DYNC1I1: variants seen among roughly 807,000 people sequenced by gnomAD.
DYNC1I1 encodes cytoplasmic dynein 1 intermediate chain 1.
A neutral mutation model predicts 86.6 loss-of-function variants in DYNC1I1; 43 were observed. The ratio of observed to expected loss-of-function variants is 0.50; its 90% CI spans 0.39 to 0.64. The LOEUF is 0.64. DYNC1I1 is among the 30% of genes least tolerant of loss of function. The pLI, the probability that DYNC1I1 is intolerant of heterozygous loss-of-function variation, is 0.00. For synonymous variants in DYNC1I1, 262 were observed against 283.7 expected (o/e 0.92, Z 0.77); for missense variants, 604 against 788.8 (o/e 0.77, Z 2.81).
At chr7:95,868,751 A>G (rs1227629937) in intron 5 of DYNC1I1, among the ~76,000 whole-genome samples, 1 of 152,202 alleles carries the variant, frequency 6.6e-6, no homozygotes, top group Admixed American at 6.5e-5. Context: ...CATTATGTGT[A>G]TGTGGTACAT....
intron 6 of DYNC1I1, among the ~76,000 whole-genome samples, chr7:95,893,732 A>G (rs1259322782): frequency 6.6e-6 from 1 of 152,184 alleles, no homozygotes; most frequent in Non-Finnish European, 1.5e-5. Context: ...ATGCAGCCAG[A>G]CTCAAAAGGT....
intron 14 of DYNC1I1, among the ~76,000 whole-genome samples, chr7:96,056,444 TC>T (rs770252089): frequency 1.3e-5 from 2 of 152,180 alleles, no homozygotes; most frequent in Admixed American, 6.5e-5. Flanking sequence ...GGAAAATAGT[TC>T]CTTAACAGCA....
chr7:95,895,153 GAACT>G (rs1349504623), intron 6 of DYNC1I1, among the ~76,000 whole-genome samples: 1 of 152,140 alleles, frequency 6.6e-6, no homozygotes, highest in African/African-American at 2.4e-5. Flanking sequence ...AAGTGCTTTG[GAACT>G]TCATCTTGGT....
intron 10 of DYNC1I1, among the ~76,000 whole-genome samples, chr7:95,997,263 A>T (rs1206846835): frequency 2.0e-5 from 3 of 151,828 alleles, no homozygotes; most frequent in African/African-American, 7.3e-5. Context: ...CTCCTTCTGT[A>T]AACATAGAAG....
At chr7:95,828,003 C>T in intron 4 of DYNC1I1, 54 bp from the exon 5 acceptor site, 1 of 1,597,746 alleles carries the variant, frequency 6.3e-7, no homozygotes, top group Non-Finnish European at 8.6e-7. Context: ...TGGTTTGTTG[C>T]CCTCCCCTTT....
At chr7:95,810,121 C>T (rs1794794890) in intron 2 of DYNC1I1, among the ~76,000 whole-genome samples, 1 of 152,052 alleles carries the variant, frequency 6.6e-6, no homozygotes, top group Non-Finnish European at 1.5e-5. Context: ...AATACTTTGC[C>T]TTGATGTTTT....
chr7:95,906,456 C>T (rs1433471357), intron 6 of DYNC1I1, among the ~76,000 whole-genome samples: 3 of 151,896 alleles, frequency 2.0e-5, no homozygotes, highest in Non-Finnish European at 4.4e-5. Context: ...ACATCTGTGG[C>T]TCTTGCTTTT....
intron 4 of DYNC1I1, among the ~76,000 whole-genome samples, chr7:95,816,909 CA>C (rs1326326663): frequency 6.6e-6 from 1 of 152,040 alleles, no homozygotes; most frequent in Non-Finnish European, 1.5e-5. Context: ...AATATTTTCT[CA>C]ATATGGTAAA....
intron 5 of DYNC1I1, among the ~76,000 whole-genome samples, chr7:95,862,765 C>A (rs952500685): frequency 6.6e-6 from 1 of 152,154 alleles, no homozygotes; most frequent in Non-Finnish European, 1.5e-5. Context: ...CTCTCCATAT[C>A]CTCGGGGGAT....
intron 10 of DYNC1I1, among the ~76,000 whole-genome samples, chr7:96,016,469 T>C (rs1794405455): frequency 6.6e-6 from 1 of 152,112 alleles, no homozygotes; most frequent in Non-Finnish European, 1.5e-5. Context: ...TTTTCTTTCT[T>C]TCTCAGCCTC....
rs567955135 is a variant in DYNC1I1 at position 95,808,980 on chromosome 7, G to A, written c.109-1412G>A. Reference sequence around the variant, plus strand: ...TGGGACTTGTTTCAGTAGTTTAAATGTTAAAATTGGAAAAGAACATGAACT... The same window carrying A: ...TGGGACTTGTTTCAGTAGTTTAAATATTAAAATTGGAAAAGAACATGAACT... On this transcript the variant is annotated intron_variant, in intron 2 of 16. Transcript: ENST00000447467. Among the ~76,000 whole-genome samples, 3 of 152,194 alleles carry A rather than the reference G, an allele frequency of 2.0e-5. No individual in the cohort carries two copies. The South Asian group carries it at 6.2e-4, about 32-fold the overall frequency.
chr7:95,990,425 A>T (rs964072893), intron 9 of DYNC1I1, among the ~76,000 whole-genome samples: 1 of 152,148 alleles, frequency 6.6e-6, no homozygotes, highest in Admixed American at 6.5e-5. Context: ...TACAACAGCA[A>T]AAAGATTACT....
intron 10 of DYNC1I1, among the ~76,000 whole-genome samples, chr7:95,996,682 A>G (rs536657727): frequency 8.5e-5 from 13 of 152,190 alleles, no homozygotes; most frequent in Non-Finnish European, 1.3e-4. Flanking sequence ...GACACAATAC[A>G]GGCTGAAATT....
At chr7:95,948,884 G>T (rs907014578) in intron 6 of DYNC1I1, among the ~76,000 whole-genome samples, 6 of 152,290 alleles carry the variant, frequency 3.9e-5, no homozygotes, top group African/African-American at 1.4e-4. Context: ...TTCTTTAATA[G>T]CAGATAGGCA....
At chr7:95,923,591 G>A (rs1017054941) in intron 6 of DYNC1I1, among the ~76,000 whole-genome samples, 3 of 152,046 alleles carry the variant, frequency 2.0e-5, no homozygotes, top group Admixed American at 2.0e-4. Flanking sequence ...TAAATTATAG[G>A]TTGTGTTACA....
At chr7:95,988,074 A>G (rs1039923265) in intron 9 of DYNC1I1, among the ~76,000 whole-genome samples, 10 of 152,172 alleles carry the variant, frequency 6.6e-5, no homozygotes, top group Admixed American at 2.0e-4. Flanking sequence ...CAATCTTTCT[A>G]AAATAAAAAT....
At position 95,819,354 on chromosome 7, in the gene DYNC1I1, C is replaced by CT. The variant is rs199809271; in HGVS notation, c.314+6026dup. On this transcript the variant is annotated intron_variant, in intron 4 of 16. Transcript: ENST00000447467. ...TTGTCCTGTCTGCATGTAGTTACTA[C>CT]TTTTTTTTTAGTGACTTCAGGAAAG... Among the ~76,000 whole-genome samples, 106 of 150,956 alleles carry CT rather than the reference C, an allele frequency of 7.0e-4. 4 individuals are homozygous for CT. The highest frequency in any genetic ancestry group is 5.9e-3 in the Admixed American group (90 of 15,130).
intron 6 of DYNC1I1, among the ~76,000 whole-genome samples, chr7:95,895,016 A>G (rs4729221): frequency 0.93 from 141,790 of 152,156 alleles, 66,437 homozygotes; most frequent in Non-Finnish European, 0.98. Context: ...GCATCTCATC[A>G]ATTTGCTGAG....
chr7:96,039,710 A>G (rs1249124090), intron 14 of DYNC1I1, among the ~76,000 whole-genome samples: 1 of 152,000 alleles, frequency 6.6e-6, no homozygotes, highest in Non-Finnish European at 1.5e-5. Flanking sequence ...CCCATCCACA[A>G]CACCCCCTTC....
Sources: allele counts gnomAD v4.1 joint callset (sites outside exome capture counted in the v4.1 genomes callset), GRCh38; gene constraint gnomAD v4.1.1; transcripts MANE v1.5; gene names NCBI Gene and HGNC (gene_info 2026-07-23, HGNC 2026-07-21).